SCARA3: variants seen among roughly 807,000 people sequenced by gnomAD.
SCARA3 encodes cellular stress response gene protein.
Under a neutral mutation model 47.0 loss-of-function variants are expected in SCARA3, and 39 were observed. The observed-to-expected ratio is 0.83, with a 90% confidence interval of 0.64 to 1.08. SCARA3 has a LOEUF of 1.08. Ranked by LOEUF, SCARA3 falls within the 50% of genes least tolerant of loss-of-function variation. SCARA3 has a pLI of 0.00. For synonymous variants in SCARA3, 356 were observed against 334.1 expected, an observed-to-expected ratio of 1.07 and a Z score of -0.71; for missense variants, 724 against 792.3, an observed-to-expected ratio of 0.91 and a Z score of 1.04.
the SCARA3 span, among the ~76,000 whole-genome samples, chr8:27,692,407 T>A: frequency 7.4e-6 from 1 of 134,414 alleles, no homozygotes; most frequent in Non-Finnish European, 1.6e-5. Flanking sequence ...GCAACAGGAG[T>A]GAACCCTATC....
chr8:27,639,331 C>A (rs904096625), intron 1 of SCARA3, among the ~76,000 whole-genome samples: 1 of 152,122 alleles, frequency 6.6e-6, no homozygotes, highest in Non-Finnish European at 1.5e-5. Context: ...CACAAAAGAA[C>A]AAATGCACGG....
intron 4 of SCARA3, 106 bp downstream of exon 4, chr8:27,656,986 C>G: frequency 1.3e-6 from 1 of 743,734 alleles, no homozygotes; most frequent in Non-Finnish European, 2.4e-6. Context: ...CACCAGCCTT[C>G]TAGGCACAGA....
the SCARA3 span, among the ~76,000 whole-genome samples, chr8:27,726,097 A>G: frequency 6.6e-6 from 1 of 152,292 alleles, no homozygotes; most frequent in South Asian, 2.1e-4. Flanking sequence ...AGTCTCTTCC[A>G]ACCTCCACAG....
At chr8:27,651,138 AG>A (rs1247046411) in intron 2 of SCARA3, among the ~76,000 whole-genome samples, 1 of 152,244 alleles carries the variant, frequency 6.6e-6, no homozygotes, top group East Asian at 1.9e-4. Flanking sequence ...ATCCTGGGCA[AG>A]CCCAGACAAG....
At chr8:27,701,699 G>A in the SCARA3 span, 1 of 149,350 alleles carries the variant, frequency 6.7e-6, no homozygotes, top group Admixed American at 6.6e-5. Context: ...ACAGGCACGG[G>A]AGCTCAGGTG....
intron 1 of SCARA3, among the ~76,000 whole-genome samples, chr8:27,638,492 A>G: frequency 6.6e-6 from 1 of 152,134 alleles, no homozygotes; most frequent in Non-Finnish European, 1.5e-5. Flanking sequence ...TGTAAGTTTC[A>G]TGACAGTGGG....
the SCARA3 span, among the ~76,000 whole-genome samples, chr8:27,714,412 C>T: frequency 1.3e-5 from 2 of 151,990 alleles, no homozygotes; most frequent in Non-Finnish European, 2.9e-5. Context: ...GCAGGCTAGT[C>T]TTGAACTCCT....
chr8:27,641,892 T>C (rs562135583), intron 1 of SCARA3, among the ~76,000 whole-genome samples: 1 of 152,334 alleles, frequency 6.6e-6, no homozygotes, highest in Admixed American at 6.5e-5. Context: ...CCAGGTGATG[T>C]CATTGTCCAG....
intron 1 of SCARA3, among the ~76,000 whole-genome samples, chr8:27,646,559 G>A (rs1280790524): frequency 2.0e-5 from 3 of 152,160 alleles, no homozygotes; most frequent in Non-Finnish European, 1.5e-5. Flanking sequence ...GGAGAGAAAC[G>A]AGGAACCCGG....
At chr8:27,713,995 C>T in the SCARA3 span, among the ~76,000 whole-genome samples, 1 of 151,134 alleles carries the variant, frequency 6.6e-6, no homozygotes, top group Non-Finnish European at 1.5e-5. Flanking sequence ...GTGTGTGGCA[C>T]TTCCCCTCTT....
chr8:27,720,675 T>G, the SCARA3 span, among the ~76,000 whole-genome samples: 1 of 150,404 alleles, frequency 6.6e-6, no homozygotes, highest in South Asian at 2.1e-4. Context: ...TATCCATCCA[T>G]CCATCCATTC....
chr8:27,691,236 G>A, the SCARA3 span, among the ~76,000 whole-genome samples: 1 of 152,060 alleles, frequency 6.6e-6, no homozygotes, highest in South Asian at 2.1e-4. Flanking sequence ...CCAGTTTGGG[G>A]AAAGCCTAGG....
chr8:27,689,110 C>A, the SCARA3 span, among the ~76,000 whole-genome samples: 1 of 152,042 alleles, frequency 6.6e-6, no homozygotes, highest in African/African-American at 2.4e-5. Context: ...TCAGAACAGG[C>A]CCAAAAATCC....
intron 3 of SCARA3, among the ~76,000 whole-genome samples, chr8:27,654,966 T>C (rs189121879): frequency 6.6e-6 from 1 of 152,242 alleles, no homozygotes; most frequent in Non-Finnish European, 1.5e-5. Context: ...AAATCTTAAT[T>C]GTAGGGAGGC....
At chr8:27,651,828 C>T (rs1010529454) in intron 3 of SCARA3, among the ~76,000 whole-genome samples, 3 of 152,230 alleles carry the variant, frequency 2.0e-5, no homozygotes, top group African/African-American at 7.2e-5. Flanking sequence ...TTAAGGAAGG[C>T]ACCTGCCTCT....
rs1443490331 is a variant in SCARA3 at position 27,671,723 on chromosome 8, TGC to T, written c.*373_*374del. The T allele has an allele frequency of 9.6e-7, 1 of 1,038,554 alleles. No individual in the cohort carries two copies. The highest frequency in any genetic ancestry group is 1.7e-5 in the African/African-American group (1 of 58,402). 64.3% of individuals were successfully genotyped at this position (1,038,554 alleles called of 1,614,324 possible). ...GCACACATGCATGCACACATACACA[TGC>T]ACACACACATGCACACATATATGCA... On this transcript the variant is annotated 3_prime_UTR_variant, in exon 6 of 6. Transcript: ENST00000301904.
At chr8:27,687,314 A>G in the SCARA3 span, among the ~76,000 whole-genome samples, 2 of 152,208 alleles carry the variant, frequency 1.3e-5, no homozygotes, top group Admixed American at 1.3e-4. Context: ...ATAAGAAAGT[A>G]GAGACACAGA....
chr8:27,728,494 C>T, the SCARA3 span, among the ~76,000 whole-genome samples: 1 of 152,310 alleles, frequency 6.6e-6, no homozygotes, highest in South Asian at 2.1e-4. Flanking sequence ...CTGCCCCTGT[C>T]CTAGAGGATC....
intron 1 of SCARA3, among the ~76,000 whole-genome samples, chr8:27,640,410 A>T (rs1388054159): frequency 6.6e-6 from 1 of 152,124 alleles, no homozygotes; most frequent in African/African-American, 2.4e-5. Flanking sequence ...ACTTTGAGAC[A>T]TAGTCTCACT....
Sources: gnomAD v4.1 joint callset for allele counts (sites outside exome capture counted in the v4.1 genomes callset) on GRCh38, gnomAD v4.1.1 for gene constraint, MANE v1.5 for transcripts, NCBI Gene and HGNC (gene_info 2026-07-23, HGNC 2026-07-21) for gene names.